DKC1: variants seen among roughly 807,000 people sequenced by gnomAD.
DKC1 encodes H/ACA ribonucleoprotein complex subunit DKC1.
In DKC1, 4 loss-of-function variants were observed where a neutral mutation model predicts 46.7. The ratio of observed to expected loss-of-function variants is 0.09; its 90% CI spans 0.04 to 0.20. The LOEUF (loss-of-function observed/expected upper bound fraction) is 0.20, where lower values mean the gene tolerates loss of function less well. DKC1 is among the 10% of genes least tolerant of loss of function. DKC1 has a pLI of 1.00. For synonymous variants in DKC1, 141 were observed against 142.4 expected, an observed-to-expected ratio of 0.99 and a Z score of 0.07; for missense variants, 171 against 404.2, an observed-to-expected ratio of 0.42 and a Z score of 4.95.
chrX:154,765,348 G>C, intron 2 of DKC1, 96 bp from the exon 3 acceptor site: 1 of 739,132 alleles, frequency 1.4e-6, no homozygotes, highest in South Asian at 2.1e-5. Context: ...AGGAAGCCTT[G>C]TTTTCTGTTT....
chrX:154,764,249 T>C (rs1255850072), intron 1 of DKC1, among the ~76,000 whole-genome samples: 2 of 108,393 alleles, frequency 1.8e-5, no homozygotes, highest in Non-Finnish European at 3.8e-5. Context: ...TATATATATA[T>C]AGTACACAAG....
At chrX:154,771,194 T>A (rs1429050083) in intron 10 of DKC1, among the ~76,000 whole-genome samples, 1 of 98,938 alleles carries the variant, frequency 1.0e-5, no homozygotes, top group East Asian at 3.1e-4. Flanking sequence ...GGTGTTTTTT[T>A]TTTTTTTTTT....
intron 10 of DKC1, among the ~76,000 whole-genome samples, chrX:154,772,815 C>G (rs1483649922): frequency 8.9e-6 from 1 of 112,094 alleles, no homozygotes; most frequent in African/African-American, 3.2e-5. Context: ...CTTAAAACTT[C>G]AAAGGTTCTG....
chrX:154,774,995 G>A (rs1310416100), intron 12 of DKC1, 200 bp from the exon 13 acceptor site: 1 of 583,609 alleles, frequency 1.7e-6, no homozygotes, highest in Non-Finnish European at 3.1e-6. Context: ...GTGTGGGCCT[G>A]CACGGCAGAC....
intron 10 of DKC1, among the ~76,000 whole-genome samples, chrX:154,772,886 G>A (rs1338137745): frequency 8.9e-6 from 1 of 111,907 alleles, no homozygotes; most frequent in African/African-American, 3.3e-5. Flanking sequence ...AGCCTGTTAT[G>A]TGTATCGTTA....
intron 7 of DKC1, 25 bp from the exon 8 acceptor site, chrX:154,768,275 CTT>C (rs1557264460): frequency 8.3e-7 from 1 of 1,210,633 alleles, no homozygotes; most frequent in African/African-American, 1.7e-5. Flanking sequence ...GTAGGTGCTG[CTT>C]TTCTTTTGTG....
chrX:154,766,300 G>C lies in DKC1; in HGVS notation c.348G>C (p.Glu116Asp). The C allele has an allele frequency of 1.7e-6, 2 of 1,209,886 alleles. No homozygotes were observed. The highest frequency in any genetic ancestry group is 2.2e-5 in the Admixed American group (1 of 45,933). The change falls in exon 5 of 15, where the codon GAG (glutamate) becomes GAC (aspartate). Residue 116 changes from glutamate to aspartate, a missense_variant. Around this residue, in one of 4 missense-constraint regions of DKC1, gnomAD observed 41 missense variants for 117.3 expected, o/e 0.35. Transcript: ENST00000369550. ...GGATTCGACGGATACTTCGGGTGGA[G>C]AAGACAGGGCACAGTGGTACGCTGG... ...VAWIRRILRVEKTGHSGTLDP... is the reference protein window; with the variant it reads ...VAWIRRILRVDKTGHSGTLDP...
At chrX:154,770,487 AAAG>A (rs1296705533) in intron 9 of DKC1, among the ~76,000 whole-genome samples, 1 of 108,397 alleles carries the variant, frequency 9.2e-6, no homozygotes, top group Non-Finnish European at 1.9e-5. Flanking sequence ...AAAAAAAAAA[AAAG>A]AAAATACTTG....
intron 5 of DKC1, 101 bp downstream of exon 5, chrX:154,766,501 A>G: frequency 1.2e-6 from 1 of 825,087 alleles, no homozygotes; most frequent in South Asian, 2.3e-5. Context: ...TTAAGAAAAA[A>G]AAAAATCCTA....
rs142474971 is a variant in DKC1 at position 154,764,966 on chromosome X, C to T, written c.84C>T (p.Ala28=). Residue 28 remains alanine, a splice_region_variant and synonymous_variant, in exon 2 of 15, where the codon GCC becomes GCT. Coordinates refer to ENST00000369550, the MANE Select transcript of DKC1 (RefSeq NM_001363.5). The part of the protein sequence containing the change: ...ERKSLPEEDV[A]EIQHAEEFLI... ...AGTCATTGCCAGAAGAAGATGTAGC[C>T]GTGAGTAGTAATGTGTTTGACTTCA... is the stretch of plus-strand genomic sequence containing the variant. 1.1e-4 allele frequency: 128 copies of T among 1,191,596 alleles called. No homozygotes were observed. Among genetic ancestry groups the T allele is most frequent in the Non-Finnish European group, 1.3e-4 (117 of 878,485 alleles).
rs199422249 is a variant in DKC1, at chrX:154,773,169, G to A, written c.1075G>A (p.Asp359Asn). ...GACCACAGCGGTCATCTCTACCTGC[G>A]ACCATGGTATAGTAGCCAAGATCAA... ...LMTTAVISTC[D>N]HGIVAKIKRV... Residue 359 changes from aspartate to asparagine, a missense_variant, in exon 11 of 15, where the codon GAC becomes AAC. Transcript: ENST00000369550. 1.7e-6 allele frequency: 2 copies of A among 1,206,579 alleles called. No homozygotes were observed. The highest frequency in any genetic ancestry group is 2.2e-6 in the Non-Finnish European group (2 of 893,199).
intron 5 of DKC1, chrX:154,766,626 C>T (rs1439932270): frequency 9.0e-6 from 4 of 442,195 alleles, no homozygotes; most frequent in Middle Eastern, 6.2e-4. Context: ...TGACTGGATC[C>T]ATTTGTCCGG....
At chrX:154,774,581 G>T (rs1364301449) in intron 11 of DKC1, 21 bp from the exon 12 acceptor site, 4 of 1,189,901 alleles carry the variant, frequency 3.4e-6, no homozygotes, top group Non-Finnish European at 4.6e-6. Context: ...TTCTAATGTT[G>T]ACACCTTGAT....
At chrX:154,766,427 G>A (rs1221760452) in intron 5 of DKC1, 27 bp downstream of exon 5, 1 of 1,172,113 alleles carries the variant, frequency 8.5e-7, no homozygotes, top group South Asian at 1.8e-5. Context: ...GGGAAGGACT[G>A]GCTAGAGTGA....
At chrX:154,770,196 C>T (rs782118948) in intron 9 of DKC1, among the ~76,000 whole-genome samples, 24 of 111,119 alleles carry the variant, frequency 2.2e-4, no homozygotes, top group East Asian at 5.6e-4. Flanking sequence ...GGACCACGTG[C>T]GGTGGCTCAC....
At position 154,764,942 on chromosome X, in the gene DKC1, G is replaced by A; in HGVS notation, c.60G>A (p.Lys20=). Residue 20 remains lysine (K), a synonymous_variant, in exon 2 of 15, where the codon AAG becomes AAA. Transcript: ENST00000369550. ...AACATAAGAAGAAAAAGGAGCGGAA[G>A]TCATTGCCAGAAGAAGATGTAGCCG... ...PKKHKKKKER[K]SLPEEDVAEI... 1.7e-6 allele frequency: 2 copies of A among 1,208,114 alleles called. No individual in the cohort carries two copies. Among genetic ancestry groups the A allele is most frequent in the Non-Finnish European group, 2.2e-6 (2 of 891,960 alleles).
intron 1 of DKC1, 35 bp downstream of exon 1, chrX:154,763,016 CGGGCGACTCG>C: frequency 8.7e-7 from 1 of 1,155,847 alleles, no homozygotes; most frequent in Non-Finnish European, 1.2e-6. Flanking sequence ...GTGCTAACTC[CGGGCGACTCG>C]GGGAACGGGG....
At chrX:154,776,140 C>T (rs904732779) in intron 13 of DKC1, 47 bp from the exon 14 acceptor site, 1 of 1,203,209 alleles carries the variant, frequency 8.3e-7, no homozygotes, top group Non-Finnish European at 1.1e-6. Flanking sequence ...CCTTTCTTGT[C>T]CATTATTGCC....
chrX:154,764,923 A>G lies in DKC1; in HGVS notation c.41A>G (p.Lys14Arg), dbSNP rs376632263. 1.3e-5 allele frequency: 16 copies of G among 1,207,562 alleles called. No individual in the cohort carries two copies. In the African/African-American group the frequency reaches 2.4e-4, roughly 18 times the overall value. ...GTAATTATTTTGCCAAAGAAACATAAGAAGAAAAAGGAGCGGAAGTCATTG... is the reference window on the plus strand; with the variant it reads ...GTAATTATTTTGCCAAAGAAACATAGGAAGAAAAAGGAGCGGAAGTCATTG... Reference protein sequence around the residue: ...AEVIILPKKHKKKKERKSLPE... With the variant: ...AEVIILPKKHRKKKERKSLPE... Residue 14 changes from lysine (K) to arginine (R), a missense_variant, in exon 2 of 15, where the codon AAG becomes AGG. Physicochemically the swap from Lys to Arg is conservative, Grantham distance 26. Around this residue, in one of 4 missense-constraint regions of DKC1, gnomAD observed 41 missense variants for 117.3 expected, o/e 0.35. Transcript: ENST00000369550.
Sources: gnomAD v4.1 joint callset for allele counts (sites outside exome capture counted in the v4.1 genomes callset) on GRCh38, gnomAD v4.1.1 for gene constraint, gnomAD v4.1.1 regional missense constraint, MANE v1.5 for transcripts, NCBI Gene and HGNC (gene_info 2026-07-23, HGNC 2026-07-21) for gene names.